CCDC149: variants seen among roughly 807,000 people sequenced by gnomAD.
CCDC149 encodes the protein coiled-coil domain-containing protein 149.
CCDC149 carries 45 observed loss-of-function variants against 59.9 expected under a neutral mutation model. That is an observed-to-expected ratio of 0.75 (90% CI 0.59 to 0.96). The LOEUF (loss-of-function observed/expected upper bound fraction) is 0.96, where lower values mean the gene tolerates loss of function less well. CCDC149 is among the 40% of genes least tolerant of loss of function. CCDC149 has a pLI of 0.00. For missense variants in CCDC149, 584 were observed against 664.7 expected (o/e 0.88, Z 1.33); for synonymous variants, 245 against 260.6 (o/e 0.94, Z 0.58).
chr4:24,907,279 G>A (rs1721591787), intron 1 of CCDC149, among the ~76,000 whole-genome samples: 1 of 152,114 alleles, frequency 6.6e-6, no homozygotes, highest in Non-Finnish European at 1.5e-5. Context: ...CCTATTTAAA[G>A]ACGAGAAAAA....
intron 9 of CCDC149, chr4:24,827,440 G>C (rs1715830379): frequency 6.6e-6 from 1 of 152,222 alleles, no homozygotes; most frequent in South Asian, 2.1e-4. Flanking sequence ...AGGCATAGCA[G>C]GAAGGATAGC....
chr4:24,857,843 C>T (rs187622374), intron 3 of CCDC149, among the ~76,000 whole-genome samples: 1 of 152,268 alleles, frequency 6.6e-6, no homozygotes, highest in Admixed American at 6.5e-5. Flanking sequence ...GGGGGTGGCA[C>T]CACTGCTTCA....
intron 1 of CCDC149, among the ~76,000 whole-genome samples, chr4:24,877,219 T>C (rs2109250365): frequency 6.6e-6 from 1 of 152,306 alleles, no homozygotes; most frequent in East Asian, 1.9e-4. Flanking sequence ...GGAGTCTTGC[T>C]CTGTCATCCA....
chr4:24,869,406 T>C (rs1389916960), intron 3 of CCDC149, among the ~76,000 whole-genome samples: 1 of 152,180 alleles, frequency 6.6e-6, no homozygotes, highest in Non-Finnish European at 1.5e-5. Context: ...GGGGCCCAGC[T>C]GCACTTCTGT....
At position 24,808,500 on chromosome 4, in the gene CCDC149, T is replaced by C; in HGVS notation, c.1512A>G (p.Lys504=). ...TGGCCTCGAAGGAGTCCAGGTGAGA[T>C]TTAGGGAGCTCCCCCTGGATGGCCA... The change falls in exon 13 of 13, where the codon AAA becomes AAG. Residue 504 remains lysine (K), a synonymous_variant. Transcript: ENST00000635206. The C allele has an allele frequency of 6.6e-7, 1 of 1,519,516 alleles. No homozygotes were observed. The highest frequency in any genetic ancestry group is 1.7e-4 in the Middle Eastern group (1 of 5,798). 94.1% of individuals were successfully genotyped at this position (1,519,516 alleles called of 1,614,324 possible). A position where few individuals can be genotyped will look rare whatever the true frequency, so the allele number is the denominator to read the frequency against.
In CCDC149 at chr4:24,898,001, A is replaced by G. The variant is rs192278416; in HGVS notation, c.63+14816T>C. On this transcript the variant is annotated intron_variant, in intron 1 of 12. Coordinates refer to ENST00000635206, the MANE Select transcript of CCDC149 (RefSeq NM_001330643.2). ...GAACTGGCTAGTGAGAGAGAGTCCC[A>G]TCCCTGCCACCTCCAATACTGCCTT... Among the ~76,000 whole-genome samples the G allele has an allele frequency of 1.8e-3, 277 of 152,364 alleles. 3 individuals are homozygous for G. Among genetic ancestry groups the G allele is most frequent in the African/African-American group, 6.3e-3 (262 of 41,594 alleles).
chr4:24,900,363 C>T (rs2695228), intron 1 of CCDC149, among the ~76,000 whole-genome samples: 103,279 of 152,100 alleles, frequency 0.68, 37,028 homozygotes, highest in Non-Finnish European at 0.79. Context: ...CACTGACCCC[C>T]ACCTTTGTGC....
At chr4:24,933,029 T>C (rs1217483046) in intron 1 of CCDC149, among the ~76,000 whole-genome samples, 1 of 152,120 alleles carries the variant, frequency 6.6e-6, no homozygotes, top group Admixed American at 6.6e-5. Context: ...GTCTTATGCA[T>C]GGTGAGGGCC....
intron 1 of CCDC149, among the ~76,000 whole-genome samples, chr4:24,972,326 T>TCTTTTC (rs1577514559): frequency 6.6e-6 from 1 of 151,960 alleles, no homozygotes; most frequent in Admixed American, 6.6e-5. Flanking sequence ...TCTTTTCTTT[T>TCTTTTC]TTGAGACAAG....
At chr4:24,818,797 A>G (rs1354569111) in intron 12 of CCDC149, among the ~76,000 whole-genome samples, 1 of 152,178 alleles carries the variant, frequency 6.6e-6, no homozygotes, top group Non-Finnish European at 1.5e-5. Context: ...GTCTTTTATG[A>G]CCTTGCTGTA....
At chr4:24,917,943 C>T (rs1722180612), upstream of CCDC149, among the ~76,000 whole-genome samples, 2 of 152,046 alleles carry the variant, frequency 1.3e-5, no homozygotes, top group Admixed American at 1.3e-4. Context: ...GAGGTTACTG[C>T]ACCCTGGACT....
chr4:24,906,406 T>TTTTATTTTATTTTATTTTA (rs1560249602), intron 1 of CCDC149, among the ~76,000 whole-genome samples: 51 of 145,968 alleles, frequency 3.5e-4, no homozygotes, highest in African/African-American at 1.1e-3. Flanking sequence ...TTTTATTTTA[T>TTTTATTTTATTTTATTTTA]TTTACTTTAT....
chr4:24,810,479 C>CT (rs772111833), intron 12 of CCDC149, among the ~76,000 whole-genome samples: 7 of 152,178 alleles, frequency 4.6e-5, no homozygotes, highest in Non-Finnish European at 7.3e-5. Flanking sequence ...TTTCCAGTCC[C>CT]TTTTCTGCTG....
Position 24,814,906 on chromosome 4 carries a change from T to C in CCDC149, c.1192+4953A>G, listed in dbSNP as rs1245326677. On this transcript the variant is annotated intron_variant, in intron 12 of 12. Transcript: ENST00000635206. ...CACCTATACTTAGAAAGTTGATTCC[T>C]CCATGACTATCATTCTCTCTTGTAT... 2.6e-5 allele frequency among the ~76,000 whole-genome samples: 4 copies of C among 152,218 alleles called. No homozygotes were observed. The East Asian group carries it at 7.7e-4, about 29-fold the overall frequency.
At chr4:24,872,194 T>C (rs1431807630) in intron 3 of CCDC149, among the ~76,000 whole-genome samples, 3 of 152,160 alleles carry the variant, frequency 2.0e-5, no homozygotes, top group Non-Finnish European at 4.4e-5. Flanking sequence ...GATCCACATA[T>C]ATATAAGGAT....
intron 11 of CCDC149, 75 bp downstream of exon 11, chr4:24,820,980 C>G (rs1204451398): frequency 1.2e-6 from 1 of 825,722 alleles, no homozygotes. Flanking sequence ...TGCATTTCTA[C>G]TTATTTACAT....
chr4:24,857,035 G>A lies in CCDC149; in HGVS notation c.265-3856C>T, dbSNP rs139599848. On this transcript the variant is annotated intron_variant, in intron 3 of 12. Transcript: ENST00000635206. ...AAATTCACCTAAACCTTCATTTAGC[G>A]GAAGAGAGGTCCAAAGAAATGTCTG... Among the ~76,000 whole-genome samples, 245 of 152,238 alleles carry A rather than the reference G, an allele frequency of 1.6e-3. 1 individual carries two copies. Among genetic ancestry groups the A allele is most frequent in the Non-Finnish European group, 2.6e-3 (175 of 68,026 alleles).
At chr4:24,811,430 C>T (rs1056947464) in intron 12 of CCDC149, among the ~76,000 whole-genome samples, 4 of 152,136 alleles carry the variant, frequency 2.6e-5, no homozygotes, top group Non-Finnish European at 5.9e-5. Context: ...ATGCTCCTCG[C>T]AAGCTGTTTC....
At chr4:24,952,595 CAAAAAAAAAAAA>C (rs869310845) in intron 1 of CCDC149, among the ~76,000 whole-genome samples, 4 of 41,396 alleles carry the variant, frequency 9.7e-5, no homozygotes, top group Admixed American at 5.0e-4. Context: ...AACTCCATCT[CAAAAAAAAAAAA>C]AAAAAAAAAA....
Sources: gnomAD v4.1 joint callset for allele counts (sites outside exome capture counted in the v4.1 genomes callset) on GRCh38, gnomAD v4.1.1 for gene constraint, MANE v1.5 for transcripts, NCBI Gene and HGNC (gene_info 2026-07-23, HGNC 2026-07-21) for gene names.